The following BICRAL variants were observed in gnomAD, a reference collection of about 807,000 sequenced individuals.
The protein encoded by BICRAL is BICRA like chromatin remodeling complex associated protein, also known as BRD4-interacting chromatin-remodeling complex-associated protein-like.
A neutral mutation model predicts 91.8 loss-of-function variants in BICRAL; 8 were observed. That is an observed-to-expected ratio of 0.09 (90% CI 0.05 to 0.16). BICRAL has a LOEUF of 0.16. Ranked by LOEUF, BICRAL falls within the 10% of genes least tolerant of loss-of-function variation. The probability of loss-of-function intolerance (pLI) is 1.00; values close to 1 mark genes in which losing one functional copy is unlikely to be tolerated. For missense variants in BICRAL, 1,038 were observed against 1,310.9 expected (o/e 0.79, Z 3.21); for synonymous variants, 445 against 491.1 (o/e 0.91, Z 1.24).
Position 42,749,390 on chromosome 6 carries a change from T to A in BICRAL, c.-261+2367T>A, listed in dbSNP as rs142057557. ...ATGATAGTTACCAGAGGCTGGGAAG[T>A]GGAGGGAGATGAAGTGAGATTGGTT... On this transcript the variant is annotated intron_variant, in intron 1 of 14. Transcript: ENST00000614467. 4.4e-3 allele frequency among the ~76,000 whole-genome samples: 676 copies of A among 152,122 alleles called. 7 individuals carry two copies. Among genetic ancestry groups the A allele is most frequent in the African/African-American group, 0.016 (644 of 41,522 alleles).
intron 6 of BICRAL, among the ~76,000 whole-genome samples, chr6:42,841,864 G>C (rs552533825): frequency 6.6e-6 from 1 of 152,284 alleles, no homozygotes; most frequent in African/African-American, 2.4e-5. Context: ...TACTCATAAA[G>C]GCTAACTTTA....
At chr6:42,782,878 CCT>C (rs1246310941) in intron 1 of BICRAL, among the ~76,000 whole-genome samples, 33 of 151,696 alleles carry the variant, frequency 2.2e-4, no homozygotes, top group Middle Eastern at 6.9e-3. Context: ...AATCTCCTCC[CCT>C]CTGTTTTCCC....
intron 1 of BICRAL, among the ~76,000 whole-genome samples, chr6:42,765,603 T>C (rs1196646965): frequency 6.6e-6 from 1 of 152,146 alleles, no homozygotes; most frequent in African/African-American, 2.4e-5. Context: ...GATGATGAAG[T>C]GAAAGGTGAA....
At chr6:42,793,762 CTTTT>C (rs70990140) in intron 1 of BICRAL, among the ~76,000 whole-genome samples, 2 of 99,236 alleles carry the variant, frequency 2.0e-5, no homozygotes, top group Non-Finnish European at 4.0e-5. Context: ...CTCAAGATGA[CTTTT>C]TTTTTTTTTT....
intron 9 of BICRAL, 145 bp downstream of exon 9, chr6:42,856,062 C>T (rs1246838254): frequency 2.8e-6 from 2 of 722,404 alleles, no homozygotes; most frequent in South Asian, 1.6e-5. Context: ...CATGGTGACT[C>T]ACTCCTGTAA....
intron 1 of BICRAL, among the ~76,000 whole-genome samples, chr6:42,750,021 AT>A (rs1465290214): frequency 1.3e-5 from 2 of 151,720 alleles, no homozygotes; most frequent in East Asian, 1.9e-4. Context: ...CGCCCGGCTA[AT>A]TTTTTTTAAT....
At chr6:42,857,606 A>ATATATATATATATATAT (rs1562497905) in intron 10 of BICRAL, among the ~76,000 whole-genome samples, 1 of 99,488 alleles carries the variant, frequency 1.0e-5, no homozygotes, top group African/African-American at 6.8e-5. Context: ...CTCTTAAAAA[A>ATATATATATATATATAT]AAAAAAAAAT....
chr6:42,809,954 G>A (rs964966951), intron 1 of BICRAL, among the ~76,000 whole-genome samples: 2 of 151,770 alleles, frequency 1.3e-5, no homozygotes, highest in Non-Finnish European at 2.9e-5. Flanking sequence ...ACCTGGTTGA[G>A]TTCTGTATTT....
chr6:42,749,353 T>C (rs1339990008), intron 1 of BICRAL, among the ~76,000 whole-genome samples: 7 of 151,918 alleles, frequency 4.6e-5, no homozygotes, highest in Non-Finnish European at 7.4e-5. Context: ...TCATATGGAG[T>C]TGGAGTGTAG....
chr6:42,863,180 C>T (rs1765610058), intron 12 of BICRAL, among the ~76,000 whole-genome samples: 1 of 151,872 alleles, frequency 6.6e-6, no homozygotes, highest in Admixed American at 6.6e-5. Flanking sequence ...TCCCAAGTAG[C>T]TGGGACTACA....
chr6:42,807,269 C>T (rs1412443951), intron 1 of BICRAL, among the ~76,000 whole-genome samples: 3 of 151,516 alleles, frequency 2.0e-5, no homozygotes, highest in African/African-American at 4.9e-5. Flanking sequence ...CTGCAAGCTC[C>T]GCCTTCCGGG....
intron 1 of BICRAL, among the ~76,000 whole-genome samples, chr6:42,794,149 G>T (rs960473600): frequency 6.6e-6 from 1 of 151,864 alleles, no homozygotes; most frequent in Non-Finnish European, 1.5e-5. Context: ...CAGATAGCAC[G>T]GATTACAGGC....
chr6:42,827,088 A>G (rs909878466), intron 5 of BICRAL, among the ~76,000 whole-genome samples: 7 of 152,176 alleles, frequency 4.6e-5, no homozygotes, highest in South Asian at 2.1e-4. Flanking sequence ...CGCCTGGCCA[A>G]TTTCCTCATT....
chr6:42,809,103 C>T (rs1386687436), intron 1 of BICRAL, among the ~76,000 whole-genome samples: 1 of 150,190 alleles, frequency 6.7e-6, no homozygotes, highest in Non-Finnish European at 1.5e-5. Flanking sequence ...TAGCCCCCGG[C>T]ACCCCCCCCA....
At chr6:42,769,665 G>A (rs1049641311) in intron 1 of BICRAL, among the ~76,000 whole-genome samples, 29 of 152,164 alleles carry the variant, frequency 1.9e-4, no homozygotes, top group African/African-American at 6.0e-4. Context: ...ATGTGTGCTC[G>A]GAGCCCTCAC....
intron 1 of BICRAL, among the ~76,000 whole-genome samples, chr6:42,782,554 TCTTTTTC>T: frequency 6.7e-6 from 1 of 149,792 alleles, no homozygotes; most frequent in Middle Eastern, 3.6e-3. Context: ...CCGGCGCCTT[TCTTTTTC>T]CTTTTTTTTC....
intron 10 of BICRAL, among the ~76,000 whole-genome samples, chr6:42,857,606 A>ATATATATATATAT (rs1562497905): frequency 5.0e-5 from 5 of 99,482 alleles, no homozygotes; most frequent in African/African-American, 3.4e-4. Context: ...CTCTTAAAAA[A>ATATATATATATAT]AAAAAAAAAT....
intron 1 of BICRAL, among the ~76,000 whole-genome samples, chr6:42,787,053 A>G (rs1320022724): frequency 4.6e-5 from 7 of 152,184 alleles, no homozygotes; most frequent in South Asian, 2.1e-4. Context: ...TTAGGAGGCT[A>G]TTGTAGTCAG....
At chr6:42,813,154 G>A (rs980403983) in intron 2 of BICRAL, among the ~76,000 whole-genome samples, 6 of 152,084 alleles carry the variant, frequency 3.9e-5, no homozygotes, top group Non-Finnish European at 8.8e-5. Context: ...GAAGAGGGAG[G>A]GGCATAAAAT....
Sources: gnomAD v4.1 joint callset for allele counts (sites outside exome capture counted in the v4.1 genomes callset) on GRCh38, gnomAD v4.1.1 for gene constraint, MANE v1.5 for transcripts, NCBI Gene and HGNC (gene_info 2026-07-23, HGNC 2026-07-21) for gene names.